Variants in PSPC1 observed in about 807,000 individuals in gnomAD.
The protein encoded by PSPC1 is paraspeckle component 1.
Under a neutral mutation model 51.6 loss-of-function variants are expected in PSPC1, and 14 were observed. The observed-to-expected ratio is 0.27, with a 90% CI of 0.18 to 0.42. The LOEUF (loss-of-function observed/expected upper bound fraction) is 0.42, where lower values mean the gene tolerates loss of function less well. Ranked by LOEUF, PSPC1 falls within the 10% of genes least tolerant of loss-of-function variation. The probability of loss-of-function intolerance (pLI) is 1.00; values close to 1 mark genes in which losing one functional copy is unlikely to be tolerated. For missense variants in PSPC1, 406 were observed against 701.1 expected (o/e 0.58, Z 4.75); for synonymous variants, 193 against 231.9 (o/e 0.83, Z 1.53).
At chr13:19,677,709 C>G (rs1325939703) in intron 7 of PSPC1, 9 of 432,764 alleles carry the variant, frequency 2.1e-5, no homozygotes, top group Middle Eastern at 3.3e-4. Flanking sequence ...AAATAATGAG[C>G]AGATACGGAC....
intron 5 of PSPC1, among the ~76,000 whole-genome samples, chr13:19,740,270 G>A (rs1402614621): frequency 1.3e-5 from 2 of 151,910 alleles, no homozygotes; most frequent in Non-Finnish European, 1.5e-5. Flanking sequence ...TTGAACCCGG[G>A]AGGCGGAGGT....
At chr13:19,731,081 C>T (rs1180261492) in intron 5 of PSPC1, among the ~76,000 whole-genome samples, 2 of 151,978 alleles carry the variant, frequency 1.3e-5, no homozygotes, top group African/African-American at 4.8e-5. Context: ...AACCACAATG[C>T]CTAGACAAAA....
chr13:19,752,826 T>C (rs1221796985), intron 3 of PSPC1, among the ~76,000 whole-genome samples: 1 of 151,098 alleles, frequency 6.6e-6, no homozygotes, highest in African/African-American at 2.4e-5. Context: ...GACCCTGTGA[T>C]CCACCCATCT....
At chr13:19,684,080 TAGTGAGGCAAG>T (rs1877582141) in intron 6 of PSPC1, among the ~76,000 whole-genome samples, 2 of 152,210 alleles carry the variant, frequency 1.3e-5, no homozygotes, top group Non-Finnish European at 2.9e-5. Context: ...AAGGCAACTG[TAGTGAGGCAAG>T]CGCTCGTTAG....
intron 2 of PSPC1, among the ~76,000 whole-genome samples, chr13:19,768,926 G>A (rs1281608735): frequency 6.7e-6 from 1 of 149,550 alleles, no homozygotes; most frequent in African/African-American, 2.5e-5. Context: ...CTTGAGGCCA[G>A]GAGTTCCTGA....
rs1245964726 is a variant in PSPC1 at position 19,715,330 on chromosome 13, C to A, written c.1159-5731G>T. 2.0e-5 allele frequency among the ~76,000 whole-genome samples: 3 copies of A among 152,096 alleles called. No homozygotes were observed. The East Asian group carries it at 5.8e-4, about 29-fold the overall frequency. Reference sequence around the variant, plus strand: ...GCTTGCACTAAGTAAGGTAAATTAACCTAACAAATATTTTCCAAAGTGGCA... The same window carrying A: ...GCTTGCACTAAGTAAGGTAAATTAAACTAACAAATATTTTCCAAAGTGGCA... On this transcript the variant is annotated intron_variant, in intron 6 of 8. Coordinates refer to ENST00000338910, the MANE Select transcript of PSPC1 (RefSeq NM_001354909.2).
intron 1 of PSPC1, among the ~76,000 whole-genome samples, chr13:19,776,905 C>A (rs1371495724): frequency 4.6e-5 from 7 of 151,278 alleles, no homozygotes. Flanking sequence ...ACAGGTGGAT[C>A]ACCTGAGGTC....
intron 6 of PSPC1, among the ~76,000 whole-genome samples, chr13:19,694,877 TTAACTAA>T (rs1469649282): frequency 1.1e-4 from 16 of 152,222 alleles, no homozygotes; most frequent in Non-Finnish European, 4.4e-5. Context: ...TCTAGGCCCC[TTAACTAA>T]AAGAGTAGCT....
At chr13:19,778,014 C>T (rs1031138601) in intron 1 of PSPC1, among the ~76,000 whole-genome samples, 15 of 152,208 alleles carry the variant, frequency 9.9e-5, no homozygotes, top group Middle Eastern at 3.4e-3. Flanking sequence ...GAGGCCAAGG[C>T]GGGCGGATCA....
intron 2 of PSPC1, among the ~76,000 whole-genome samples, chr13:19,764,357 T>TGCAC (rs1191873660): frequency 1.6e-4 from 24 of 152,144 alleles, no homozygotes; most frequent in African/African-American, 5.8e-4. Context: ...ACTGCATGCA[T>TGCAC]GCACAATAAT....
At chr13:19,686,496 T>C (rs1877898583) in intron 6 of PSPC1, among the ~76,000 whole-genome samples, 1 of 152,100 alleles carries the variant, frequency 6.6e-6, no homozygotes, top group Admixed American at 6.5e-5. Flanking sequence ...AATATATACA[T>C]CTATGAATAC....
rs977423738 is a variant in PSPC1 at position 19,707,715 on chromosome 13, T to G, written c.1216+1827A>C. 1.4e-3 allele frequency among the ~76,000 whole-genome samples: 218 copies of G among 152,300 alleles called. 2 individuals are homozygous for G. The highest frequency in any genetic ancestry group is 4.9e-3 in the African/African-American group (204 of 41,564). On this transcript the variant is annotated intron_variant, in intron 7 of 8. Transcript: ENST00000338910. Reference sequence around the variant, plus strand: ...TAAGGACTCTAAAGGCATATTCTGATATTTCTTCTGATAAAATTGCAGAGT... The same window carrying G: ...TAAGGACTCTAAAGGCATATTCTGAGATTTCTTCTGATAAAATTGCAGAGT...
chr13:19,672,008 G>GT, downstream of PSPC1: 1 of 862,754 alleles, frequency 1.2e-6, no homozygotes, highest in Non-Finnish European at 1.9e-6. Context: ...CCTGTTGTCT[G>GT]TTGTAGTCTG....
intron 6 of PSPC1, among the ~76,000 whole-genome samples, chr13:19,688,706 C>A (rs1309883769): frequency 6.6e-6 from 1 of 152,198 alleles, no homozygotes; most frequent in African/African-American, 2.4e-5. Context: ...CCACCCAGAC[C>A]TACTGTAGAA....
intron 6 of PSPC1, among the ~76,000 whole-genome samples, chr13:19,693,634 C>G (rs1325262366): frequency 2.0e-5 from 3 of 152,074 alleles, no homozygotes; most frequent in Non-Finnish European, 1.5e-5. Context: ...AAAACATATG[C>G]TTAAAAATGT....
intron 4 of PSPC1, among the ~76,000 whole-genome samples, chr13:19,750,045 CA>C (rs2138115135): frequency 6.6e-6 from 1 of 152,102 alleles, no homozygotes; most frequent in African/African-American, 2.4e-5. Context: ...ACACACATAA[CA>C]AAAAAACCTA....
chr13:19,714,287 A>C (rs1389443078), intron 6 of PSPC1, among the ~76,000 whole-genome samples: 1 of 152,210 alleles, frequency 6.6e-6, no homozygotes, highest in Non-Finnish European at 1.5e-5. Flanking sequence ...CACTATAATT[A>C]TTGGCTTGAG....
Position 19,725,045 on chromosome 13 carries a change from C to T in PSPC1, c.1158+5194G>A, listed in dbSNP as rs557891885. Among the ~76,000 whole-genome samples, 6 of 151,970 alleles carry T rather than the reference C, an allele frequency of 3.9e-5. No homozygotes were observed. The South Asian group carries it at 6.3e-4, about 16-fold the overall frequency. On this transcript the variant is annotated intron_variant, in intron 6 of 8. Transcript: ENST00000338910. ...ATAAAAAATTAGCCAATCGTGGTGG[C>T]GCGTGCCTGTAATCCCAGATACTCG...
At chr13:19,673,309 A>G (rs1003742507), downstream of PSPC1, 1 of 322,742 alleles carries the variant, frequency 3.1e-6, no homozygotes, top group African/African-American at 2.2e-5. Flanking sequence ...ATTAGTTTAT[A>G]ATTGTATGAA....
Sources: gnomAD v4.1 joint callset for allele counts (sites outside exome capture counted in the v4.1 genomes callset) on GRCh38, gnomAD v4.1.1 for gene constraint, MANE v1.5 for transcripts, NCBI Gene and HGNC (gene_info 2026-07-23, HGNC 2026-07-21) for gene names.